SNX29: variants seen among roughly 807,000 people sequenced by gnomAD.
The protein encoded by SNX29 is sorting nexin 29, also known as sorting nexin-29.
A neutral mutation model predicts 102.1 loss-of-function variants in SNX29; 78 were observed. That is an observed-to-expected ratio of 0.76 (90% confidence interval 0.64 to 0.92). The LOEUF (loss-of-function observed/expected upper bound fraction) is 0.92. SNX29 is among the 40% of genes least tolerant of loss of function. The pLI is 0.00. For missense variants in SNX29, 1,280 were observed against 1,061.7 expected (o/e 1.21, Z -2.86); for synonymous variants, 580 against 414.5 (o/e 1.40, Z -4.85).
chr16:12,466,966 C>A (rs1042287459), intron 18 of SNX29, among the ~76,000 whole-genome samples: 1 of 152,170 alleles, frequency 6.6e-6, no homozygotes, highest in African/African-American at 2.4e-5. Flanking sequence ...AAAGGGTGGG[C>A]ACCTGGACCA....
At chr16:12,063,769 A>G (rs1355223840) in intron 9 of SNX29, among the ~76,000 whole-genome samples, 3 of 149,984 alleles carry the variant, frequency 2.0e-5, no homozygotes. Flanking sequence ...ACCAACTGGA[A>G]TTTCTCATGG....
intron 14 of SNX29, among the ~76,000 whole-genome samples, chr16:12,269,102 CCTGT>C (rs1333554065): frequency 6.6e-6 from 1 of 152,140 alleles, no homozygotes; most frequent in Non-Finnish European, 1.5e-5. Flanking sequence ...ACACAGTCTC[CCTGT>C]CTATTTGAAT....
chr16:12,131,558 T>A (rs1324668209), intron 13 of SNX29, among the ~76,000 whole-genome samples: 1 of 152,194 alleles, frequency 6.6e-6, no homozygotes, highest in Non-Finnish European at 1.5e-5. Context: ...CCATATTAAA[T>A]TGCCCATTCC....
intron 3 of SNX29, among the ~76,000 whole-genome samples, chr16:12,027,010 C>A (rs9938460): frequency 6.6e-6 from 1 of 152,086 alleles, no homozygotes; most frequent in Non-Finnish European, 1.5e-5. Flanking sequence ...TTTAACTTTT[C>A]CCCCCTCTGC....
chr16:12,176,923 C>T (rs921470916), intron 13 of SNX29, among the ~76,000 whole-genome samples: 3 of 151,686 alleles, frequency 2.0e-5, no homozygotes, highest in East Asian at 1.9e-4. Flanking sequence ...GTCCTGGGGT[C>T]GGGCTGTTCA....
intron 20 of SNX29, among the ~76,000 whole-genome samples, chr16:12,551,016 A>G (rs559513449): frequency 1.3e-5 from 2 of 152,302 alleles, no homozygotes; most frequent in African/African-American, 4.8e-5. Flanking sequence ...TCTCTGGCCG[A>G]GTGATGGGCT....
At position 12,332,263 on chromosome 16, in the gene SNX29, T is replaced by TGC. The variant is rs2081312316; in HGVS notation, c.1783-23899_1783-23898dup. On this transcript the variant is annotated intron_variant, in intron 15 of 20. Coordinates refer to ENST00000566228, the MANE Select transcript of SNX29 (RefSeq NM_032167.5). ...GTCCTTGTGTGTGTTTGTGTGTGTG[T>TGC]GCACGGGCATATGCATGCACAAGTG... is the stretch of plus-strand genomic sequence containing the variant. 2.0e-5 allele frequency among the ~76,000 whole-genome samples: 3 copies of TGC among 152,144 alleles called. No individual in the cohort carries two copies. The South Asian group carries it at 6.2e-4, about 31-fold the overall frequency.
intron 15 of SNX29, among the ~76,000 whole-genome samples, chr16:12,339,727 C>T (rs2081558058): frequency 6.6e-6 from 1 of 152,196 alleles, no homozygotes; most frequent in Admixed American, 6.5e-5. Flanking sequence ...ATGAGCTTAG[C>T]AATTCTTGTC....
chr16:12,053,015 G>T (rs1403090370), intron 8 of SNX29: 1 of 152,428 alleles, frequency 6.6e-6, no homozygotes, highest in Admixed American at 6.5e-5. Flanking sequence ...AGTTGGCCAG[G>T]CGCAGTGGCT....
intron 11 of SNX29, among the ~76,000 whole-genome samples, chr16:12,105,706 C>T (rs914622835): frequency 6.6e-6 from 1 of 152,190 alleles, no homozygotes; most frequent in Admixed American, 6.5e-5. Context: ...TTTCCAGGGT[C>T]TCCTAGCCCT....
At chr16:12,253,213 A>T (rs951244741) in intron 14 of SNX29, among the ~76,000 whole-genome samples, 1 of 152,194 alleles carries the variant, frequency 6.6e-6, no homozygotes. Flanking sequence ...GTTGGTGACC[A>T]TGCATTCGCC....
intron 3 of SNX29, among the ~76,000 whole-genome samples, chr16:12,013,205 A>G (rs62037702): frequency 0.073 from 11,126 of 151,838 alleles, 594 homozygotes; most frequent in Middle Eastern, 0.17. Flanking sequence ...TGCATAAAAC[A>G]GCAAAGCCAA....
intron 18 of SNX29, among the ~76,000 whole-genome samples, chr16:12,461,611 G>A (rs555618004): frequency 1.3e-5 from 2 of 152,186 alleles, no homozygotes; most frequent in South Asian, 4.2e-4. Flanking sequence ...AAAACAATTT[G>A]AAGCATCGCG....
intron 13 of SNX29, among the ~76,000 whole-genome samples, chr16:12,162,135 A>G (rs182182792): frequency 5.9e-5 from 9 of 152,162 alleles, no homozygotes; most frequent in Admixed American, 3.3e-4. Context: ...GCTTGTTCCA[A>G]CTGGATGGCT....
intron 15 of SNX29, among the ~76,000 whole-genome samples, chr16:12,316,910 C>T (rs1046835572): frequency 4.6e-5 from 7 of 152,208 alleles, no homozygotes; most frequent in Non-Finnish European, 8.8e-5. Flanking sequence ...GACAGGTTTT[C>T]AGTCTCATTC....
At chr16:11,990,335 T>C (rs1442130268) in intron 1 of SNX29, among the ~76,000 whole-genome samples, 9 of 152,170 alleles carry the variant, frequency 5.9e-5, no homozygotes, top group Non-Finnish European at 1.5e-5. Flanking sequence ...TACTGTCTGC[T>C]AGAGCTGGCT....
Position 12,571,769 on chromosome 16 carries a change from A to T in SNX29, c.*3140A>T. On this transcript the variant is annotated 3_prime_UTR_variant, in exon 21 of 21. Coordinates refer to ENST00000566228, the MANE Select transcript of SNX29 (RefSeq NM_032167.5). ...CAACCATCCACTCCTGATCTGAGAC[A>T]GAACCTTCTCCGCCACTCTTCCTGC... The T allele has an allele frequency of 9.9e-7, 1 of 1,011,662 alleles. No homozygotes were observed. The highest frequency in any genetic ancestry group is 1.2e-6 in the Non-Finnish European group (1 of 831,406). The allele number at this position is 1,011,662 out of a possible 1,614,324, so 62.7% of individuals were successfully genotyped here.
chr16:12,034,099 G>C (rs1042978593), intron 4 of SNX29, among the ~76,000 whole-genome samples: 1 of 152,200 alleles, frequency 6.6e-6, no homozygotes, highest in Non-Finnish European at 1.5e-5. Context: ...TAAAATGAGA[G>C]AGACCGACTT....
At chr16:12,541,824 C>T (rs1014420917) in intron 20 of SNX29, among the ~76,000 whole-genome samples, 5 of 152,108 alleles carry the variant, frequency 3.3e-5, no homozygotes, top group East Asian at 3.9e-4. Flanking sequence ...AAGCTCGCCT[C>T]TTCCCCTCTT....
Sources: gnomAD v4.1 joint callset for allele counts (sites outside exome capture counted in the v4.1 genomes callset) on GRCh38, gnomAD v4.1.1 for gene constraint, MANE v1.5 for transcripts, NCBI Gene and HGNC (gene_info 2026-07-23, HGNC 2026-07-21) for gene names.